Variants in MAST4 observed in about 807,000 individuals in gnomAD.
The protein encoded by MAST4 is microtubule-associated serine/threonine-protein kinase 4.
MAST4 carries 89 observed loss-of-function variants against 162.7 expected under a neutral mutation model. The ratio of observed to expected loss-of-function variants is 0.55; its 90% CI spans 0.46 to 0.65. MAST4 has a LOEUF of 0.65. Among genes scored for constraint, MAST4 ranks in the 30% least tolerant of loss-of-function variants. The pLI, the probability that MAST4 is intolerant of heterozygous loss-of-function variation, is 0.00. For missense variants in MAST4, 3,153 were observed against 3,374.0 expected, an observed-to-expected ratio of 0.93 and a Z score of 1.62; for synonymous variants, 1,479 against 1,361.1, an observed-to-expected ratio of 1.09 and a Z score of -1.91.
Position 66,926,827 on chromosome 5 carries a change from G to A in MAST4, c.674+26845G>A, listed in dbSNP as rs145343909. On this transcript the variant is annotated intron_variant, in intron 4 of 28. Transcript: ENST00000403625. ...TGGCCGAGGAGCACCATCATTTTGG[G>A]TGGGTTTTCTTTGTACTAAAAGTAT... Among the ~76,000 whole-genome samples the A allele has an allele frequency of 2.0e-3, 298 of 152,152 alleles. 1 individual carries two copies. Among genetic ancestry groups the A allele is most frequent in the African/African-American group, 6.9e-3 (287 of 41,514 alleles).
intron 5 of MAST4, 108 bp from the exon 6 acceptor site, chr5:67,090,054 G>T: frequency 2.5e-6 from 2 of 806,708 alleles, no homozygotes; most frequent in Non-Finnish European, 3.9e-6. Flanking sequence ...TTGGAGGAAA[G>T]GACATTCTAC....
At chr5:66,985,521 C>T (rs557289427) in intron 4 of MAST4, among the ~76,000 whole-genome samples, 1 of 152,282 alleles carries the variant, frequency 6.6e-6, no homozygotes, top group South Asian at 2.1e-4. Flanking sequence ...GTTACCAAAT[C>T]AGGTTTATTT....
chr5:67,046,147 G>A (rs988480098), intron 4 of MAST4, among the ~76,000 whole-genome samples: 3 of 152,076 alleles, frequency 2.0e-5, no homozygotes, highest in Admixed American at 6.6e-5. Flanking sequence ...GTGTGCAGTA[G>A]GCTCTACCAT....
At chr5:66,809,671 C>T (rs1756382253) in intron 3 of MAST4, among the ~76,000 whole-genome samples, 1 of 152,100 alleles carries the variant, frequency 6.6e-6, no homozygotes, top group Non-Finnish European at 1.5e-5. Context: ...CTCTCTTCTC[C>T]CTGTGAATAA....
intron 8 of MAST4, among the ~76,000 whole-genome samples, chr5:67,100,967 G>T (rs1273591673): frequency 1.3e-5 from 2 of 152,180 alleles, no homozygotes; most frequent in Non-Finnish European, 2.9e-5. Context: ...TAAAATTCCA[G>T]ATTCCATATT....
intron 19 of MAST4, among the ~76,000 whole-genome samples, chr5:67,137,687 T>A (rs139023320): frequency 3.7e-4 from 56 of 152,330 alleles, no homozygotes; most frequent in African/African-American, 1.3e-3. Context: ...CTAGAGTTTA[T>A]GATAATGCAT....
In MAST4 at chr5:67,070,138, A is replaced by T. The variant is rs149547064; in HGVS notation, c.763+15646A>T. 3.9e-5 allele frequency among the ~76,000 whole-genome samples: 6 copies of T among 152,270 alleles called. No individual in the cohort carries two copies. In the East Asian group the frequency reaches 1.2e-3, roughly 29 times the overall value. Reference sequence around the variant, plus strand: ...TCACATTTGGTGCTCTTATGCCATTATTTCAGTAGGAAATGTGGGTTATCA... The same window carrying T: ...TCACATTTGGTGCTCTTATGCCATTTTTTCAGTAGGAAATGTGGGTTATCA... On this transcript the variant is annotated intron_variant, in intron 5 of 28. Coordinates refer to ENST00000403625, the MANE Select transcript of MAST4 (RefSeq NM_001164664.2).
chr5:66,994,879 GT>G (rs146643810), intron 4 of MAST4, among the ~76,000 whole-genome samples: 32 of 152,092 alleles, frequency 2.1e-4, no homozygotes, highest in Non-Finnish European at 3.8e-4. Flanking sequence ...AAGAGTTCAT[GT>G]TTTTTTTGAG....
rs996061431 is a variant in MAST4, at chr5:66,759,761, C to G, written c.416C>G (p.Pro139Arg). The change falls in exon 2 of 29, where the codon CCA becomes CGA. Residue 139 changes from proline to arginine, a missense_variant. Coordinates refer to ENST00000403625, the MANE Select transcript of MAST4 (RefSeq NM_001164664.2). ...PPMPFRKCSN[P>R]DVASGPGKSL... ...ATGCCGTTTCGGAAATGCAGCAACC[C>G]AGATGTGGCTTCTGGCCCTGGAAAA... 1 of 1,613,876 alleles carries G rather than the reference C, an allele frequency of 6.2e-7. No individual in the cohort carries two copies. Among genetic ancestry groups the G allele is most frequent in the African/African-American group, 1.3e-5 (1 of 74,922 alleles).
At chr5:67,107,983 A>G (rs1488508390) in intron 10 of MAST4, among the ~76,000 whole-genome samples, 1 of 152,152 alleles carries the variant, frequency 6.6e-6, no homozygotes, top group Non-Finnish European at 1.5e-5. Context: ...ATTTCTCTTC[A>G]TGGGCTAATC....
intron 6 of MAST4, among the ~76,000 whole-genome samples, chr5:67,094,603 G>A (rs1764230237): frequency 6.6e-6 from 1 of 151,914 alleles, no homozygotes; most frequent in African/African-American, 2.4e-5. Flanking sequence ...CATTCAAAAT[G>A]TTCTGTGGCT....
At chr5:66,648,299 T>G (rs1745997809) in intron 1 of MAST4, among the ~76,000 whole-genome samples, 1 of 152,068 alleles carries the variant, frequency 6.6e-6, no homozygotes, top group African/African-American at 2.4e-5. Context: ...AAGTTTAACT[T>G]GGCATGGCAA....
chr5:66,744,613 T>A (rs1362407544), intron 1 of MAST4, among the ~76,000 whole-genome samples: 1 of 151,918 alleles, frequency 6.6e-6, no homozygotes, highest in Admixed American at 6.6e-5. Flanking sequence ...TGATGAAAGG[T>A]GAAGGGAAAG....
At chr5:66,838,271 T>G (rs1561369435) in intron 3 of MAST4, among the ~76,000 whole-genome samples, 1 of 152,188 alleles carries the variant, frequency 6.6e-6, no homozygotes, top group Non-Finnish European at 1.5e-5. Context: ...TTAGATACTC[T>G]TCAATAATGT....
At chr5:67,149,635 G>A (rs1771561118) in intron 24 of MAST4, 46 bp downstream of exon 24, 1 of 1,571,912 alleles carries the variant, frequency 6.4e-7, no homozygotes, top group Admixed American at 1.7e-5. Context: ...TGTGCATGTG[G>A]TCCCATCCCT....
intron 4 of MAST4, chr5:67,001,773 C>G (rs1751324976): frequency 6.6e-6 from 1 of 152,198 alleles, no homozygotes; most frequent in Non-Finnish European, 1.5e-5. Flanking sequence ...TTGTGTTCTA[C>G]TCACTGTATC....
At position 66,946,430 on chromosome 5, in the gene MAST4, C is replaced by T. The variant is rs79497981; in HGVS notation, c.674+46448C>T. ...TAAATTTTAGTTTCTTTTCATTTAC[C>T]GCCTCAGGTAAAATAAATAAATAAA... is the stretch of plus-strand genomic sequence containing the variant. On this transcript the variant is annotated intron_variant, in intron 4 of 28. Coordinates refer to ENST00000403625, the MANE Select transcript of MAST4 (RefSeq NM_001164664.2). 5.5e-3 allele frequency among the ~76,000 whole-genome samples: 835 copies of T among 151,954 alleles called. 7 individuals are homozygous for T. Among genetic ancestry groups the T allele is most frequent in the Non-Finnish European group, 9.4e-3 (641 of 67,956 alleles).
intron 1 of MAST4, among the ~76,000 whole-genome samples, chr5:66,614,871 C>G (rs1743562746): frequency 6.6e-6 from 1 of 152,120 alleles, no homozygotes; most frequent in Non-Finnish European, 1.5e-5. Context: ...TTTTTCTCTG[C>G]AGCGAAAGAC....
chr5:66,902,677 A>C (rs1275592670), intron 4 of MAST4: 1 of 470,710 alleles, frequency 2.1e-6, no homozygotes, highest in Non-Finnish European at 4.4e-6. Context: ...TGACTGGGTA[A>C]TAGACAAGAG....
Sources: allele counts gnomAD v4.1 joint callset (sites outside exome capture counted in the v4.1 genomes callset), GRCh38; gene constraint gnomAD v4.1.1; transcripts MANE v1.5; gene names NCBI Gene and HGNC (gene_info 2026-07-23, HGNC 2026-07-21).